The following AGBL1 variants were observed in gnomAD, a reference collection of about 807,000 sequenced individuals.
AGBL1 encodes cytosolic carboxypeptidase 4.
A neutral mutation model predicts 118.9 loss-of-function variants in AGBL1; 130 were observed. The ratio of observed to expected loss-of-function variants is 1.09; its 90% CI spans 0.95 to 1.26. The LOEUF (loss-of-function observed/expected upper bound fraction) is 1.26. Among genes scored for constraint, AGBL1 ranks in the 50% most tolerant of loss-of-function variants. The pLI is 0.00. For synonymous variants in AGBL1, 555 were observed against 478.9 expected, an observed-to-expected ratio of 1.16 and a Z score of -2.08; for missense variants, 1,584 against 1,298.1, an observed-to-expected ratio of 1.22 and a Z score of -3.38.
rs771637455 is a variant in AGBL1, at chr15:86,247,914, G to C, written c.735+35G>C. 3.1e-6 allele frequency: 5 copies of C among 1,601,002 alleles called. No individual in the cohort carries two copies. In the African/African-American group the frequency reaches 6.7e-5, roughly 21 times the overall value. On this transcript the variant is annotated intron_variant, in intron 7 of 22. Transcript: ENST00000614907. ...ATGGGGATTCACTCTGCAGCTGGAG[G>C]CCAGCTGGGTGATTCCTGAAGGCTG...
chr15:86,093,741 A>G (rs1567049211), intron 1 of AGBL1, among the ~76,000 whole-genome samples: 1 of 152,194 alleles, frequency 6.6e-6, no homozygotes, highest in Non-Finnish European at 1.5e-5. Context: ...GAAAGTCAAA[A>G]TAATTGAACA....
intron 24 of AGBL1, among the ~76,000 whole-genome samples, chr15:87,003,026 T>C (rs1342955137): frequency 3.9e-5 from 6 of 152,086 alleles, no homozygotes; most frequent in Non-Finnish European, 2.9e-5. Flanking sequence ...TGAATAGGAG[T>C]GATAAGAGAG....
intron 22 of AGBL1, among the ~76,000 whole-genome samples, chr15:86,817,261 T>C (rs2078871641): frequency 7.0e-6 from 1 of 142,350 alleles, no homozygotes. Flanking sequence ...GATTGTACTC[T>C]AGCCTGGGAT....
At chr15:86,234,849 C>A (rs1026313161) in intron 6 of AGBL1, among the ~76,000 whole-genome samples, 8 of 152,124 alleles carry the variant, frequency 5.3e-5, no homozygotes, top group African/African-American at 1.9e-4. Context: ...TTTCAAAAGT[C>A]CTGGAGGTTT....
At chr15:86,924,293 T>C (rs1257137472) in intron 23 of AGBL1, among the ~76,000 whole-genome samples, 1 of 152,252 alleles carries the variant, frequency 6.6e-6, no homozygotes, top group Non-Finnish European at 1.5e-5. Flanking sequence ...ATGGTCTTAT[T>C]GGCAAGGACA....
chr15:86,941,088 A>G (rs1279888256), intron 23 of AGBL1, among the ~76,000 whole-genome samples: 2 of 152,200 alleles, frequency 1.3e-5, no homozygotes, highest in Admixed American at 6.5e-5. Flanking sequence ...CTTTGGTCCT[A>G]TGCGTGCTGT....
At chr15:86,306,300 C>G (rs979639201) in intron 17 of AGBL1, among the ~76,000 whole-genome samples, 3 of 152,106 alleles carry the variant, frequency 2.0e-5, no homozygotes, top group Non-Finnish European at 2.9e-5. Context: ...TCCACCTCCC[C>G]CTGTGACCCT....
intron 22 of AGBL1, among the ~76,000 whole-genome samples, chr15:86,702,541 C>G (rs2086378500): frequency 6.6e-6 from 1 of 152,152 alleles, no homozygotes; most frequent in African/African-American, 2.4e-5. Flanking sequence ...CCCATCCACT[C>G]CCTAACTCAC....
intron 17 of AGBL1, chr15:86,316,838 T>G (rs534579698): frequency 6.6e-6 from 1 of 152,350 alleles, no homozygotes; most frequent in African/African-American, 2.4e-5. Context: ...CTGATCTCAG[T>G]TGAGCACTCG....
intron 18 of AGBL1, among the ~76,000 whole-genome samples, chr15:86,485,177 C>T (rs891893690): frequency 7.9e-5 from 12 of 152,136 alleles, no homozygotes; most frequent in Admixed American, 6.6e-4. Flanking sequence ...GCCAGTATCA[C>T]TGGCATTACC....
At chr15:86,860,772 A>G (rs1485332707) in intron 22 of AGBL1, among the ~76,000 whole-genome samples, 2 of 152,060 alleles carry the variant, frequency 1.3e-5, no homozygotes, top group Non-Finnish European at 2.9e-5. Flanking sequence ...CTGGATGAGC[A>G]CATGTTTCTA....
chr15:86,481,855 A>G (rs1168853598), intron 18 of AGBL1, among the ~76,000 whole-genome samples: 2 of 152,084 alleles, frequency 1.3e-5, no homozygotes, highest in Non-Finnish European at 2.9e-5. Context: ...ATATTGTCTG[A>G]CTCAAGACTT....
chr15:86,912,844 A>G lies in AGBL1; in HGVS notation c.*5550A>G, dbSNP rs1239479531. ...TGGTACAGCTCACCCCAGCTCCCCA[A>G]ACTCTCTAGTCTTGGAAAGACATGC... On this transcript the variant is annotated 3_prime_UTR_variant, in exon 23 of 23. Coordinates refer to ENST00000614907, the MANE Select transcript of AGBL1 (RefSeq NM_001386094.1). The G allele has an allele frequency of 6.6e-6, 1 of 152,084 alleles. No individual in the cohort carries two copies. Among genetic ancestry groups the G allele is most frequent in the African/African-American group, 2.4e-5 (1 of 41,422 alleles). 9.4% of individuals were successfully genotyped at this position (152,084 alleles called of 1,614,324 possible).
At chr15:86,379,333 T>C (rs1054883367) in intron 17 of AGBL1, among the ~76,000 whole-genome samples, 3 of 152,218 alleles carry the variant, frequency 2.0e-5, no homozygotes, top group Non-Finnish European at 4.4e-5. Flanking sequence ...CATAAATTAA[T>C]ACGATAATAT....
At chr15:86,650,083 AC>A (rs1445511060) in intron 21 of AGBL1, among the ~76,000 whole-genome samples, 1 of 152,214 alleles carries the variant, frequency 6.6e-6, no homozygotes, top group East Asian at 1.9e-4. Flanking sequence ...TTAATAAGCT[AC>A]AGCATATATA....
intron 17 of AGBL1, among the ~76,000 whole-genome samples, chr15:86,371,879 G>C (rs28689532): frequency 6.6e-6 from 1 of 152,164 alleles, no homozygotes. Context: ...GTGGCTGCTT[G>C]TAGGGGGGAG....
At chr15:86,749,810 T>G (rs948589016) in intron 22 of AGBL1, among the ~76,000 whole-genome samples, 1 of 152,094 alleles carries the variant, frequency 6.6e-6, no homozygotes, top group Non-Finnish European at 1.5e-5. Context: ...GCTGGATTAC[T>G]TTTATTGATT....
At chr15:86,212,534 G>A (rs909511599) in intron 5 of AGBL1, among the ~76,000 whole-genome samples, 10 of 152,224 alleles carry the variant, frequency 6.6e-5, no homozygotes, top group African/African-American at 1.9e-4. Flanking sequence ...GAACATGTGT[G>A]TTAATGAGAA....
chr15:86,821,389 A>C (rs1202509028), intron 22 of AGBL1, among the ~76,000 whole-genome samples: 2 of 152,186 alleles, frequency 1.3e-5, no homozygotes, highest in Non-Finnish European at 2.9e-5. Flanking sequence ...AATAACATTG[A>C]ATTTGAAATC....
Sources: allele counts gnomAD v4.1 joint callset (sites outside exome capture counted in the v4.1 genomes callset), GRCh38; gene constraint gnomAD v4.1.1; transcripts MANE v1.5; gene names NCBI Gene and HGNC (gene_info 2026-07-23, HGNC 2026-07-21).